The following MACF1 variants were observed in gnomAD, a reference collection of about 807,000 sequenced individuals.
The protein encoded by MACF1 is microtubule actin crosslinking factor 1.
A neutral mutation model predicts 854.8 loss-of-function variants in MACF1; 193 were observed. The ratio of observed to expected loss-of-function variants is 0.23; its 90% CI spans 0.20 to 0.25. MACF1 has a LOEUF of 0.25. Among genes scored for constraint, MACF1 ranks in the 10% least tolerant of loss-of-function variants. The probability of loss-of-function intolerance (pLI) is 1.00; values close to 1 mark genes in which losing one functional copy is unlikely to be tolerated. For synonymous variants in MACF1, 3,185 were observed against 3,226.7 expected (o/e 0.99, Z 0.44); for missense variants, 7,722 against 8,929.1 (o/e 0.86, Z 5.45).
chr1:39,380,289 G>A lies in MACF1; in HGVS notation c.13564G>A (p.Val4522Ile). The change falls in exon 55 of 101, where the codon GTA becomes ATA. Residue 4522 changes from valine to isoleucine, a missense_variant. This residue lies in a region of MACF1 where 2,807 missense variants were observed against 3,235.8 expected (regional missense o/e 0.87). Coordinates refer to ENST00000564288, the MANE Select transcript of MACF1 (RefSeq NM_001394062.1). Reference protein sequence around the residue: ...LEQNSPKIQKVKEALAGLLVT... With the variant: ...LEQNSPKIQKIKEALAGLLVT... Reference sequence around the variant, plus strand: ...ACAGAATTCTCCAAAAATTCAAAAAGTAAAGGAAGCCCTGGCTGGATTACT... The same window carrying A: ...ACAGAATTCTCCAAAAATTCAAAAAATAAAGGAAGCCCTGGCTGGATTACT... 6.2e-7 allele frequency: 1 copy of A among 1,613,428 alleles called. No homozygotes were observed. The highest frequency in any genetic ancestry group is 8.5e-7 in the Non-Finnish European group (1 of 1,179,704).
chr1:39,251,344 C>T (rs978156348), intron 3 of MACF1, among the ~76,000 whole-genome samples: 2 of 152,064 alleles, frequency 1.3e-5, no homozygotes, highest in African/African-American at 4.8e-5. Context: ...GGACTTTATT[C>T]TTCACCACTC....
intron 2 of MACF1, among the ~76,000 whole-genome samples, chr1:39,096,119 T>A (rs1315872843): frequency 6.7e-6 from 1 of 148,262 alleles, no homozygotes; most frequent in African/African-American, 2.5e-5. Context: ...CAGTGACCCA[T>A]GATCGCACCA....
chr1:39,372,498 C>A lies in MACF1; in HGVS notation c.13115C>A (p.Ala4372Glu). Residue 4372 changes from alanine (A) to glutamate (E), a missense_variant, in exon 52 of 101, where the codon GCA becomes GAA. By Grantham distance (107) the Ala-to-Glu change is moderately radical. Around this residue, in one of 15 missense-constraint regions of MACF1, gnomAD observed 2,807 missense variants for 3,235.8 expected, o/e 0.87. Transcript: ENST00000564288. Reference sequence around the variant, plus strand: ...AAACAGAGTCTACTAGATGACTGGGCAAGTAAGGGAACTCTGGTGGAAGAA... The same window carrying A: ...AAACAGAGTCTACTAGATGACTGGGAAAGTAAGGGAACTCTGGTGGAAGAA... ...EHLKSLLDDW[A>E]SKGTLVEEIN... 6.2e-7 allele frequency: 1 copy of A among 1,612,110 alleles called. No individual in the cohort carries two copies. Among genetic ancestry groups the A allele is most frequent in the Non-Finnish European group, 8.5e-7 (1 of 1,178,482 alleles).
chr1:39,475,332 G>A (rs1315216324), intron 97 of MACF1, among the ~76,000 whole-genome samples: 1 of 152,154 alleles, frequency 6.6e-6, no homozygotes, highest in African/African-American at 2.4e-5. Context: ...AGCCAGGCAA[G>A]GTGGTACATG....
intron 58 of MACF1, among the ~76,000 whole-genome samples, chr1:39,408,134 G>T (rs1368785334): frequency 6.6e-6 from 1 of 152,152 alleles, no homozygotes; most frequent in Non-Finnish European, 1.5e-5. Flanking sequence ...TTGGCTGTGC[G>T]CAACTATAAA....
chr1:39,382,285 A>G (rs1650292309), intron 56 of MACF1, 133 bp downstream of exon 56: 1 of 806,390 alleles, frequency 1.2e-6, no homozygotes, highest in Non-Finnish European at 1.9e-6. Context: ...TGAGGTATTT[A>G]TAAGGTGTTA....
chr1:39,385,461 A>G lies in MACF1; in HGVS notation c.13876A>G (p.Arg4626Gly), dbSNP rs776201565. The G allele has an allele frequency of 6.2e-7, 1 of 1,614,024 alleles. No homozygotes were observed. The highest frequency in any genetic ancestry group is 8.5e-7 in the Non-Finnish European group (1 of 1,179,942). ...QFMLKEFEAR[R>G]QQHEQLNEAA... ...TATGCTAAAGGAATTTGAAGCACGC[A>G]GGCAACAGCATGAGCAACTGAATGA... Residue 4626 changes from arginine to glycine, a missense_variant, in exon 57 of 101, where the codon AGG becomes GGG. Physicochemically the swap from Arg to Gly is moderately radical, Grantham distance 125. Around this residue, in one of 15 missense-constraint regions of MACF1, gnomAD observed 2,807 missense variants for 3,235.8 expected, o/e 0.87. Transcript: ENST00000564288.
intron 84 of MACF1, among the ~76,000 whole-genome samples, chr1:39,450,652 C>T (rs1240935781): frequency 3.7e-5 from 5 of 134,030 alleles, no homozygotes; most frequent in Non-Finnish European, 6.2e-5. Context: ...CGCTCTGTCT[C>T]CCAGGCTGGA....
intron 59 of MACF1, 67 bp from the exon 60 acceptor site, chr1:39,422,663 G>A: frequency 6.5e-7 from 1 of 1,549,766 alleles, no homozygotes; most frequent in Non-Finnish European, 8.8e-7. Context: ...ATTACTAAAA[G>A]AGGTCAGTAG....
At chr1:39,231,297 G>C (rs1353721037) in intron 2 of MACF1, 54 bp downstream of exon 2, 16 of 1,483,464 alleles carry the variant, frequency 1.1e-5, no homozygotes, top group Non-Finnish European at 1.5e-5. Context: ...CTCTCATCTG[G>C]ATCTGTCATT....
intron 48 of MACF1, 138 bp from the exon 49 acceptor site, chr1:39,361,222 G>A (rs1648160366): frequency 1.1e-6 from 1 of 878,158 alleles, no homozygotes; most frequent in Non-Finnish European, 1.7e-6. Context: ...GAACTAAGGT[G>A]ATGAGATGTG....
intron 2 of MACF1, among the ~76,000 whole-genome samples, chr1:39,092,322 G>C (rs1463893619): frequency 6.6e-6 from 1 of 152,224 alleles, no homozygotes; most frequent in Non-Finnish European, 1.5e-5. Flanking sequence ...GAGCACCTTA[G>C]AGCTGGTGCC....
At chr1:39,122,981 A>G (rs1158465735) in intron 2 of MACF1, among the ~76,000 whole-genome samples, 1 of 152,058 alleles carries the variant, frequency 6.6e-6, no homozygotes, top group African/African-American at 2.4e-5. Flanking sequence ...GAGAGGAGGG[A>G]ATAGCAAAAG....
At chr1:39,225,226 T>TTTTTTTTC (rs1192098541) in intron 1 of MACF1, among the ~76,000 whole-genome samples, 1 of 146,272 alleles carries the variant, frequency 6.8e-6, no homozygotes, top group Non-Finnish European at 1.5e-5. Context: ...TCTTTTTTTT[T>TTTTTTTTC]TGAGACGGAG....
intron 28 of MACF1, 141 bp from the exon 29 acceptor site, chr1:39,317,073 G>A (rs1403919567): frequency 6.0e-6 from 5 of 837,864 alleles, no homozygotes; most frequent in Admixed American, 5.8e-5. Flanking sequence ...TGTGGAGGCA[G>A]TCCTGGCACA....
intron 47 of MACF1, among the ~76,000 whole-genome samples, chr1:39,360,052 T>TACACAC (rs373864736): frequency 2.0e-5 from 1 of 49,870 alleles, no homozygotes; most frequent in Non-Finnish European, 3.9e-5. Flanking sequence ...TATATATATA[T>TACACAC]ACACACACAC....
chr1:39,310,954 A>G lies in MACF1; in HGVS notation c.3224A>G (p.Asp1075Gly), dbSNP rs762441892. The change falls in exon 26 of 101, where the codon GAC (aspartate) becomes GGC (glycine). Residue 1075 changes from aspartate (D) to glycine (G), a missense_variant. Physicochemically the swap from Asp to Gly is moderately conservative, Grantham distance 94 (BLOSUM62 -1). This residue lies in a region of MACF1 where 1,137 missense variants were observed against 1,263.0 expected (regional missense o/e 0.90). Transcript: ENST00000564288. ...RIQSLASSRT[D>G]RDAWQDNALR... ...CAGTCTCTAGCCAGCTCTAGGACTGACAGAGATGCCTGGCAGGACAATGCA... is the reference window on the plus strand; with the variant it reads ...CAGTCTCTAGCCAGCTCTAGGACTGGCAGAGATGCCTGGCAGGACAATGCA... 1 of 1,614,168 alleles carries G rather than the reference A, an allele frequency of 6.2e-7. No homozygotes were observed. Among genetic ancestry groups the G allele is most frequent in the Non-Finnish European group, 8.5e-7 (1 of 1,180,004 alleles).
intron 2 of MACF1, among the ~76,000 whole-genome samples, chr1:39,114,080 G>C (rs1006459773): frequency 6.7e-6 from 1 of 148,790 alleles, no homozygotes; most frequent in African/African-American, 2.5e-5. Flanking sequence ...TTTTTCCCAA[G>C]CATCTACCTG....
intron 5 of MACF1, among the ~76,000 whole-genome samples, chr1:39,257,289 G>A (rs547977049): frequency 2.8e-4 from 40 of 143,194 alleles, no homozygotes; most frequent in Middle Eastern, 3.5e-3. Context: ...GCATTATGCC[G>A]AGTGAAATAA....
Sources: allele counts gnomAD v4.1 joint callset (sites outside exome capture counted in the v4.1 genomes callset), GRCh38; gene constraint gnomAD v4.1.1; regional missense constraint gnomAD v4.1.1; transcripts MANE v1.5; gene names NCBI Gene and HGNC (gene_info 2026-07-23, HGNC 2026-07-21).